Variants in RGS20 observed in about 807,000 individuals in gnomAD.
RGS20 encodes gz-selective GTPase-activating protein.
A neutral mutation model predicts 33.6 loss-of-function variants in RGS20; 30 were observed. The ratio of observed to expected loss-of-function variants is 0.89; its 90% CI spans 0.67 to 1.21. The LOEUF (loss-of-function observed/expected upper bound fraction) is 1.21. RGS20 is among the 50% of genes most tolerant of loss of function. The probability of loss-of-function intolerance (pLI) is 0.00; values close to 1 mark genes in which losing one functional copy is unlikely to be tolerated. For synonymous variants in RGS20, 208 were observed against 197.9 expected, an observed-to-expected ratio of 1.05 and a Z score of -0.43; for missense variants, 472 against 502.4, an observed-to-expected ratio of 0.94 and a Z score of 0.58.
intron 1 of RGS20, among the ~76,000 whole-genome samples, chr8:53,867,713 T>C (rs1178544663): frequency 6.6e-6 from 1 of 151,696 alleles, no homozygotes; most frequent in Non-Finnish European, 1.5e-5. Context: ...CTTTCTTTGT[T>C]TCTTTCCTTC....
intron 1 of RGS20, among the ~76,000 whole-genome samples, chr8:53,855,664 T>C (rs1477716944): frequency 6.6e-6 from 1 of 152,238 alleles, no homozygotes; most frequent in Non-Finnish European, 1.5e-5. Context: ...TCTTCAGTTA[T>C]GCAGTCTCTA....
At position 53,944,672 on chromosome 8, in the gene RGS20, T is replaced by C. The variant is rs146313733; in HGVS notation, c.660-1993T>C. On this transcript the variant is annotated intron_variant, in intron 3 of 5. Transcript: ENST00000297313. Reference sequence around the variant, plus strand: ...GAATTATAGCTATAACTGATACAAATACAGAAGAATTCAGAAATAAGAAGG... The same window carrying C: ...GAATTATAGCTATAACTGATACAAACACAGAAGAATTCAGAAATAAGAAGG... 2.8e-3 allele frequency among the ~76,000 whole-genome samples: 430 copies of C among 152,144 alleles called. 2 individuals are homozygous for C. Among genetic ancestry groups the C allele is most frequent in the African/African-American group, 9.8e-3 (406 of 41,492 alleles).
intron 2 of RGS20, among the ~76,000 whole-genome samples, chr8:53,890,404 G>A (rs979212482): frequency 1.3e-5 from 2 of 151,976 alleles, no homozygotes; most frequent in African/African-American, 2.4e-5. Flanking sequence ...GAGATCATCT[G>A]TGTGCCTGTA....
At chr8:53,932,325 C>G (rs1209768778) in intron 2 of RGS20, among the ~76,000 whole-genome samples, 1 of 152,192 alleles carries the variant, frequency 6.6e-6, no homozygotes, top group Non-Finnish European at 1.5e-5. Flanking sequence ...GAGCCATGGT[C>G]TAGCTCAGTG....
intron 1 of RGS20, among the ~76,000 whole-genome samples, chr8:53,864,946 A>G (rs1194396453): frequency 6.6e-6 from 1 of 152,200 alleles, no homozygotes; most frequent in African/African-American, 2.4e-5. Context: ...CAAGCAAAGC[A>G]GTCTAATTCA....
chr8:53,940,489 CCTCA>C (rs1814257435), intron 3 of RGS20, among the ~76,000 whole-genome samples: 1 of 152,212 alleles, frequency 6.6e-6, no homozygotes, highest in Non-Finnish European at 1.5e-5. Flanking sequence ...TAGACCAAGA[CCTCA>C]CTGTCTGCTG....
intron 2 of RGS20, among the ~76,000 whole-genome samples, chr8:53,920,488 A>G (rs59371117): frequency 0.048 from 7,320 of 152,160 alleles, 470 homozygotes; most frequent in African/African-American, 0.14. Flanking sequence ...AGATATAGAG[A>G]TAGTTTTACT....
intron 2 of RGS20, among the ~76,000 whole-genome samples, chr8:53,936,324 T>C (rs919268180): frequency 1.1e-4 from 17 of 152,206 alleles, no homozygotes; most frequent in Admixed American, 4.6e-4. Context: ...TGTTTGCAGA[T>C]GACATGATTG....
At position 53,946,645 on chromosome 8, in the gene RGS20, T is replaced by C; in HGVS notation, c.660-20T>C. On this transcript the variant is annotated intron_variant, in intron 3 of 5. Transcript: ENST00000297313. ...TGGCAGGGACTGAGCTGTCAACATGTGAATGTCTTTTTTTTGCAGTCTCAC... is the reference window on the plus strand; with the variant it reads ...TGGCAGGGACTGAGCTGTCAACATGCGAATGTCTTTTTTTTGCAGTCTCAC... 2 of 1,601,302 alleles carry C rather than the reference T, an allele frequency of 1.2e-6. No homozygotes were observed. The highest frequency in any genetic ancestry group is 2.2e-5 in the South Asian group (2 of 89,702).
chr8:53,880,700 T>C (rs1341418422), intron 2 of RGS20, among the ~76,000 whole-genome samples, 172 bp from the exon 1 acceptor site: 1 of 152,056 alleles, frequency 6.6e-6, no homozygotes, highest in African/African-American at 2.4e-5. Context: ...TCTTGGGACT[T>C]GCTAATGCGG....
intron 2 of RGS20, among the ~76,000 whole-genome samples, chr8:53,904,599 T>C (rs55665326): frequency 0.068 from 10,287 of 152,282 alleles, 1,056 homozygotes; most frequent in African/African-American, 0.22. Context: ...TGGCCTCATA[T>C]ATTCCTCAGC....
intron 5 of RGS20, 58 bp from the exon 5 acceptor site, chr8:53,958,212 T>C (rs1036462230): frequency 2.4e-6 from 3 of 1,241,774 alleles, no homozygotes; most frequent in African/African-American, 3.1e-5. Flanking sequence ...CTCTAGGAGT[T>C]TGGGATAGAG....
At chr8:53,912,880 A>C (rs576360871) in intron 2 of RGS20, among the ~76,000 whole-genome samples, 2 of 152,264 alleles carry the variant, frequency 1.3e-5, no homozygotes, top group Non-Finnish European at 2.9e-5. Flanking sequence ...GTTCCCTATC[A>C]CTGTCTAAAA....
intron 5 of RGS20, among the ~76,000 whole-genome samples, chr8:53,956,672 C>T (rs1814874483): frequency 6.6e-6 from 1 of 152,116 alleles, no homozygotes; most frequent in Non-Finnish European, 1.5e-5. Flanking sequence ...CTTAAGTTTG[C>T]GTTGTTAAAT....
chr8:53,922,166 T>C lies in RGS20; in HGVS notation c.511-17410T>C, dbSNP rs1813666879. Among the ~76,000 whole-genome samples the C allele has an allele frequency of 9.2e-5, 14 of 152,182 alleles. 1 individual carries two copies. Among genetic ancestry groups the C allele is most frequent in the Admixed American group, 9.2e-4 (14 of 15,270 alleles). Reference sequence around the variant, plus strand: ...CCTTCAATTCTGTTAGTTTTTGCTGTATGTATTTTTGTGGTTCTGTTATTG... The same window carrying C: ...CCTTCAATTCTGTTAGTTTTTGCTGCATGTATTTTTGTGGTTCTGTTATTG... On this transcript the variant is annotated intron_variant, in intron 2 of 5. Coordinates refer to ENST00000297313, the MANE Select transcript of RGS20 (RefSeq NM_170587.4).
chr8:53,879,275 G>T lies in RGS20; in HGVS notation c.183G>T (p.Gln61His). The T allele has an allele frequency of 6.2e-7, 1 of 1,613,730 alleles. No homozygotes were observed. Among genetic ancestry groups the T allele is most frequent in the Non-Finnish European group, 8.5e-7 (1 of 1,179,926 alleles). ...CACCCCAGTCCTTCCCGCCTGCACA[G>T]CTCCCAGACTCGCCCGCCGCCCCGA... Residue 61 changes from glutamine (Q) to histidine (H), a missense_variant, in exon 2 of 6, where the codon CAG (glutamine) becomes CAT (histidine). Gln to His is a conservative substitution (Grantham distance 24). Transcript: ENST00000297313.
intron 1 of RGS20, among the ~76,000 whole-genome samples, chr8:53,875,664 G>T (rs1585874477): frequency 6.6e-6 from 1 of 151,918 alleles, no homozygotes. Flanking sequence ...CTCCTCCCTC[G>T]TTATCATTGC....
chr8:53,907,996 C>T (rs1813233653), intron 2 of RGS20, among the ~76,000 whole-genome samples: 1 of 152,056 alleles, frequency 6.6e-6, no homozygotes, highest in Non-Finnish European at 1.5e-5. Context: ...GGTAGAGTCT[C>T]GGGTTCAATG....
intron 1 of RGS20, among the ~76,000 whole-genome samples, chr8:53,860,388 A>G (rs1811783022): frequency 6.6e-6 from 1 of 152,240 alleles, no homozygotes. Context: ...GTGATAGATC[A>G]TTCTAAGAAC....
Sources: gnomAD v4.1 joint callset for allele counts (sites outside exome capture counted in the v4.1 genomes callset) on GRCh38, gnomAD v4.1.1 for gene constraint, MANE v1.5 for transcripts, NCBI Gene and HGNC (gene_info 2026-07-23, HGNC 2026-07-21) for gene names.